Variants in GOLGA4 observed in about 807,000 individuals in gnomAD.
The protein encoded by GOLGA4 is golgin subfamily A member 4.
Under a neutral mutation model 265.9 loss-of-function variants are expected in GOLGA4, and 169 were observed. That is an observed-to-expected ratio of 0.64 (90% CI 0.56 to 0.72). GOLGA4 has a LOEUF of 0.72. Ranked by LOEUF, GOLGA4 falls within the 30% of genes least tolerant of loss-of-function variation. The pLI is 0.00. For missense variants in GOLGA4, 2,482 were observed against 2,483.4 expected (o/e 1.00, Z 0.01); for synonymous variants, 923 against 855.8 (o/e 1.08, Z -1.37).
chr3:37,262,930 AGTT>A (rs947391715), intron 2 of GOLGA4, among the ~76,000 whole-genome samples: 1 of 152,126 alleles, frequency 6.6e-6, no homozygotes, highest in Admixed American at 6.5e-5. Flanking sequence ...GGTGACATGT[AGTT>A]GTTGTAATGT....
At chr3:37,337,959 T>C (rs2097020022) in intron 19 of GOLGA4, among the ~76,000 whole-genome samples, 1 of 152,246 alleles carries the variant, frequency 6.6e-6, no homozygotes, top group Non-Finnish European at 1.5e-5. Flanking sequence ...TAACATTTTT[T>C]ATAACAATTT....
At chr3:37,314,520 G>C (rs983728893) in intron 10 of GOLGA4, among the ~76,000 whole-genome samples, 16 of 151,702 alleles carry the variant, frequency 1.1e-4, no homozygotes, top group Non-Finnish European at 2.1e-4. Flanking sequence ...GCATGCCTGT[G>C]GTCCCAGCTA....
intron 2 of GOLGA4, among the ~76,000 whole-genome samples, chr3:37,259,309 A>G (rs1207584402): frequency 3.9e-5 from 6 of 152,322 alleles, no homozygotes; most frequent in Middle Eastern, 3.4e-3. Context: ...TCTGTAAGGA[A>G]CTGTAGCCTA....
chr3:37,288,834 A>C (rs1057315100), intron 4 of GOLGA4, among the ~76,000 whole-genome samples: 1 of 152,236 alleles, frequency 6.6e-6, no homozygotes, highest in African/African-American at 2.4e-5. Flanking sequence ...AAAAACCTTT[A>C]GAACAGGCTG....
chr3:37,305,387 C>A (rs747900655), intron 10 of GOLGA4, among the ~76,000 whole-genome samples: 21 of 152,154 alleles, frequency 1.4e-4, no homozygotes, highest in Non-Finnish European at 2.4e-4. Flanking sequence ...CCTTTTACAT[C>A]TATAATGAAA....
At chr3:37,262,964 T>C (rs755424595) in intron 2 of GOLGA4, among the ~76,000 whole-genome samples, 2 of 152,216 alleles carry the variant, frequency 1.3e-5, no homozygotes, top group Non-Finnish European at 2.9e-5. Context: ...ATGCCAGTGG[T>C]ATAAAAGCTC....
At chr3:37,249,447 C>T (rs2096728067) in intron 1 of GOLGA4, among the ~76,000 whole-genome samples, 1 of 151,976 alleles carries the variant, frequency 6.6e-6, no homozygotes, top group Non-Finnish European at 1.5e-5. Flanking sequence ...CGGAGTCTTG[C>T]TCTGTCACCC....
Position 37,326,142 on chromosome 3 carries a change from T to A in GOLGA4, c.4256T>A (p.Phe1419Tyr). ...ELLDQVQDLS[F>Y]KVDTLSKEKI... Reference sequence around the variant, plus strand: ...CTGGATCAGGTGCAAGATTTATCTTTTAAAGTTGACACTCTGAGTAAAGAG... The same window carrying A: ...CTGGATCAGGTGCAAGATTTATCTTATAAAGTTGACACTCTGAGTAAAGAG... Residue 1419 changes from phenylalanine (F) to tyrosine (Y), a missense_variant, in exon 14 of 24, where the codon TTT (phenylalanine) becomes TAT (tyrosine). By Grantham distance (22) the Phe-to-Tyr change is conservative. Around this residue, in one of 3 missense-constraint regions of GOLGA4, gnomAD observed 942 missense variants for 983.1 expected, o/e 0.96. Coordinates refer to ENST00000361924, the MANE Select transcript of GOLGA4 (RefSeq NM_002078.5). 6.2e-7 allele frequency: 1 copy of A among 1,613,702 alleles called. No individual in the cohort carries two copies. The highest frequency in any genetic ancestry group is 8.5e-7 in the Non-Finnish European group (1 of 1,179,744).
At chr3:37,321,315 C>T (rs373677609) in intron 12 of GOLGA4, among the ~76,000 whole-genome samples, 8 of 152,108 alleles carry the variant, frequency 5.3e-5, no homozygotes, top group East Asian at 3.8e-4. Flanking sequence ...TTTGATTTTC[C>T]TTGTGGGGTC....
At position 37,283,096 on chromosome 3, in the gene GOLGA4, A is replaced by AC. The variant is rs2096839158; in HGVS notation, c.477+824_477+825insC. Among the ~76,000 whole-genome samples, 7 of 152,354 alleles carry AC rather than the reference A, an allele frequency of 4.6e-5. No homozygotes were observed. The South Asian group carries it at 1.4e-3, about 32-fold the overall frequency. ...ATGAATACTAAAGTTCAGAGTCAGTATATTAAAGATAGTTGTAACTTCTGT... is the reference window on the plus strand; with the variant it reads ...ATGAATACTAAAGTTCAGAGTCAGTACTATTAAAGATAGTTGTAACTTCTGT... On this transcript the variant is annotated intron_variant, in intron 3 of 23. Transcript: ENST00000361924.
chr3:37,353,660 A>C (rs2097081842), intron 21 of GOLGA4, among the ~76,000 whole-genome samples: 1 of 152,038 alleles, frequency 6.6e-6, no homozygotes, highest in African/African-American at 2.4e-5. Context: ...ACCTCTCCCA[A>C]GTAGCTTGTA....
chr3:37,319,037 A>G (rs749577761), intron 11 of GOLGA4, 26 bp from the exon 12 acceptor site: 1 of 1,529,002 alleles, frequency 6.5e-7, no homozygotes, highest in Non-Finnish European at 8.9e-7. Context: ...GGGTGTCCTT[A>G]TATTATCTAT....
chr3:37,317,159 T>C (rs1003733078), intron 11 of GOLGA4, among the ~76,000 whole-genome samples: 2 of 152,102 alleles, frequency 1.3e-5, no homozygotes, highest in African/African-American at 2.4e-5. Flanking sequence ...TTGCAAGTTA[T>C]GAATTTTTTT....
Position 37,323,990 on chromosome 3 carries a change from A to C in GOLGA4, c.2104A>C (p.Lys702Gln), listed in dbSNP as rs2096962600. 6.2e-7 allele frequency: 1 copy of C among 1,613,800 alleles called. No individual in the cohort carries two copies. Among genetic ancestry groups the C allele is most frequent in the Admixed American group, 1.7e-5 (1 of 59,978 alleles). ...GTCAGAAGTATTAAAAGCCCGTCAC[A>C]AACTAGAAGAGGAACTTTCTGTTCT... ...ELSEVLKARH[K>Q]LEEELSVLKD... Residue 702 changes from lysine to glutamine, a missense_variant, in exon 14 of 24, where the codon AAA becomes CAA. By Grantham distance (53) the Lys-to-Gln change is moderately conservative. Around this residue, in one of 3 missense-constraint regions of GOLGA4, gnomAD observed 1,536 missense variants for 1,483.7 expected, o/e 1.04. Transcript: ENST00000361924.
In GOLGA4 at chr3:37,296,226, T is replaced by G; in HGVS notation, c.814+7T>G. The G allele has an allele frequency of 6.2e-7, 1 of 1,613,696 alleles. No homozygotes were observed. The highest frequency in any genetic ancestry group is 1.1e-5 in the South Asian group (1 of 91,064). ...AGTGATGGAGAGCCAGTAGGTAAGC[T>G]TCATTTTGTCAAAAGGTTAATTTAA... On this transcript the variant is annotated splice_region_variant and intron_variant, in intron 7 of 23. Transcript: ENST00000361924.
chr3:37,330,016 GC>G (rs778652972), intron 16 of GOLGA4, among the ~76,000 whole-genome samples: 6 of 148,738 alleles, frequency 4.0e-5, no homozygotes, highest in Non-Finnish European at 8.8e-5. Context: ...TATAACACAT[GC>G]CTATAAATGC....
intron 2 of GOLGA4, among the ~76,000 whole-genome samples, chr3:37,277,594 C>G (rs2096822886): frequency 6.6e-6 from 1 of 152,140 alleles, no homozygotes; most frequent in Non-Finnish European, 1.5e-5. Context: ...AATTTTGTCC[C>G]AAGTCTTATT....
intron 2 of GOLGA4, among the ~76,000 whole-genome samples, chr3:37,256,991 A>T (rs2096750610): frequency 6.6e-6 from 1 of 152,048 alleles, no homozygotes; most frequent in Non-Finnish European, 1.5e-5. Flanking sequence ...GTACATTCCC[A>T]GTGTTGTACA....
chr3:37,280,752 A>G (rs1461895265), intron 2 of GOLGA4, among the ~76,000 whole-genome samples: 1 of 152,140 alleles, frequency 6.6e-6, no homozygotes, highest in Non-Finnish European at 1.5e-5. Context: ...TGCTCTCCAT[A>G]TACTATAATT....
Sources: allele counts gnomAD v4.1 joint callset (sites outside exome capture counted in the v4.1 genomes callset), GRCh38; gene constraint gnomAD v4.1.1; regional missense constraint gnomAD v4.1.1; transcripts MANE v1.5; gene names NCBI Gene and HGNC (gene_info 2026-07-23, HGNC 2026-07-21).